GRIN2B: variants seen among roughly 807,000 people sequenced by gnomAD.
GRIN2B encodes the protein glutamate receptor ionotropic, NMDA 2B.
In GRIN2B, 5 loss-of-function variants were observed where a neutral mutation model predicts 114.5. That is an observed-to-expected ratio of 0.04 (90% CI 0.02 to 0.09). The LOEUF (loss-of-function observed/expected upper bound fraction) is 0.09. Among genes scored for constraint, GRIN2B ranks in the 10% least tolerant of loss-of-function variants. GRIN2B has a pLI of 1.00. For missense variants in GRIN2B, 1,108 were observed against 1,943.5 expected, an observed-to-expected ratio of 0.57 and a Z score of 8.08; for synonymous variants, 787 against 745.1, an observed-to-expected ratio of 1.06 and a Z score of -0.92.
chr12:13,577,848 G>A (rs1188879424), intron 10 of GRIN2B, among the ~76,000 whole-genome samples: 1 of 152,188 alleles, frequency 6.6e-6, no homozygotes, highest in African/African-American at 2.4e-5. Flanking sequence ...GCATTACAGA[G>A]AGTCAGAAAC....
chr12:13,786,514 G>A (rs1864223875), intron 3 of GRIN2B, among the ~76,000 whole-genome samples: 1 of 152,072 alleles, frequency 6.6e-6, no homozygotes, highest in Admixed American at 6.5e-5. Context: ...TACATAAAAT[G>A]TCAACCAAGG....
intron 2 of GRIN2B, among the ~76,000 whole-genome samples, chr12:13,959,331 C>A (rs564726951): frequency 6.6e-6 from 1 of 152,142 alleles, no homozygotes; most frequent in Non-Finnish European, 1.5e-5. Flanking sequence ...GGCAGGCAGC[C>A]GCCAGGGTGG....
chr12:13,613,264 G>A (rs4764018), intron 8 of GRIN2B, among the ~76,000 whole-genome samples: 151,338 of 152,350 alleles, frequency 0.99, 75,171 homozygotes, highest in Middle Eastern at 1. Context: ...CACCACCTCT[G>A]TGGTCTTTTC....
At position 13,866,223 on chromosome 12, in the gene GRIN2B, C is replaced by T. The variant is rs12818068; in HGVS notation, c.-15G>A. The T allele has an allele frequency of 0.099, 158,581 of 1,602,260 alleles. 9,212 individuals are homozygous for T. The highest frequency in any genetic ancestry group is 0.12 in the Non-Finnish European group (137,849 of 1,178,494). On this transcript the variant is annotated 5_prime_UTR_variant, in exon 3 of 14. Transcript: ENST00000609686. ...CTGGGCTTCATCTTCAACTCGTCGA[C>T]TCCCTGCAAACACAAAGAAAGAGCA...
intron 3 of GRIN2B, among the ~76,000 whole-genome samples, chr12:13,793,335 C>T (rs776373573): frequency 9.9e-5 from 15 of 151,996 alleles, no homozygotes; most frequent in Non-Finnish European, 2.1e-4. Flanking sequence ...GCTTGAGAAT[C>T]TCTTGAACCT....
At position 13,722,481 on chromosome 12, in the gene GRIN2B, C is replaced by A. The variant is rs116050530; in HGVS notation, c.1010+30836G>T. Reference sequence around the variant, plus strand: ...AGCAGGGATTCTTCATCCACAGTAGCCAGAGTGTAGACAGAGGGCATGGGT... The same window carrying A: ...AGCAGGGATTCTTCATCCACAGTAGACAGAGTGTAGACAGAGGGCATGGGT... On this transcript the variant is annotated intron_variant, in intron 4 of 13. Transcript: ENST00000609686. Among the ~76,000 whole-genome samples the A allele has an allele frequency of 3.4e-3, 510 of 152,102 alleles. 1 individual carries two copies. Among genetic ancestry groups the A allele is most frequent in the African/African-American group, 0.011 (472 of 41,506 alleles).
intron 2 of GRIN2B, among the ~76,000 whole-genome samples, chr12:13,908,890 C>T (rs1052747809): frequency 1.3e-5 from 2 of 152,190 alleles, no homozygotes; most frequent in East Asian, 1.9e-4. Context: ...AAGTGCATAA[C>T]ACGAAGCACA....
At position 13,548,917 on chromosome 12, in the gene GRIN2B, A is replaced by G. The variant is rs868728438; in HGVS notation, c.*13866T>C. 5.9e-4 allele frequency: 89 copies of G among 152,004 alleles called. No individual in the cohort carries two copies. Among genetic ancestry groups the G allele is most frequent in the African/African-American group, 1.9e-3 (78 of 41,358 alleles). The allele number at this position is 152,004 out of a possible 1,614,324, so 9.4% of individuals were successfully genotyped here. A position where few individuals can be genotyped will look rare whatever the true frequency, so the allele number is the denominator to read the frequency against. On this transcript the variant is annotated 3_prime_UTR_variant, in exon 14 of 14. Transcript: ENST00000609686. ...ATCAGTACACTCTGAAGTTGATGGT[A>G]TAGAAGTCTCCTCACTCATTCATCT...
chr12:13,852,993 A>T (rs913283681), intron 3 of GRIN2B, among the ~76,000 whole-genome samples: 1 of 151,988 alleles, frequency 6.6e-6, no homozygotes, highest in Non-Finnish European at 1.5e-5. Flanking sequence ...AGCAACCAAA[A>T]CACTTTCCCA....
intron 3 of GRIN2B, among the ~76,000 whole-genome samples, chr12:13,778,834 T>C (rs1158710542): frequency 6.6e-6 from 1 of 152,240 alleles, no homozygotes; most frequent in African/African-American, 2.4e-5. Context: ...AGACCAGTGC[T>C]CTGAGATTTT....
At chr12:13,711,744 G>A (rs1346195065) in intron 4 of GRIN2B, among the ~76,000 whole-genome samples, 1 of 152,178 alleles carries the variant, frequency 6.6e-6, no homozygotes, top group Non-Finnish European at 1.5e-5. Context: ...TGCTGGAGAG[G>A]ATGTGGAAAA....
intron 5 of GRIN2B, among the ~76,000 whole-genome samples, chr12:13,652,122 G>T (rs891953102): frequency 1.3e-5 from 2 of 151,704 alleles, no homozygotes; most frequent in Non-Finnish European, 2.9e-5. Context: ...ACTACACATG[G>T]TTTCTGCTTT....
intron 4 of GRIN2B, among the ~76,000 whole-genome samples, chr12:13,681,482 A>G (rs1466647520): frequency 2.0e-5 from 3 of 152,144 alleles, no homozygotes; most frequent in Non-Finnish European, 2.9e-5. Flanking sequence ...GCAAGGGACA[A>G]ATTCTTGACC....
chr12:13,937,716 C>A (rs1338033220), intron 2 of GRIN2B, among the ~76,000 whole-genome samples: 1 of 152,040 alleles, frequency 6.6e-6, no homozygotes, highest in Non-Finnish European at 1.5e-5. Flanking sequence ...TGTTATCATT[C>A]TTTCTATAAT....
At chr12:13,620,241 AT>A (rs1431232619) in intron 5 of GRIN2B, among the ~76,000 whole-genome samples, 1 of 152,074 alleles carries the variant, frequency 6.6e-6, no homozygotes, top group African/African-American at 2.4e-5. Flanking sequence ...AAAATGGCTT[AT>A]TTTTCACACC....
At chr12:13,684,036 G>A (rs1481070283) in intron 4 of GRIN2B, 1 of 152,028 alleles carries the variant, frequency 6.6e-6, no homozygotes, top group East Asian at 1.9e-4. Context: ...AATACTACCA[G>A]TTCAGTATAT....
intron 3 of GRIN2B, among the ~76,000 whole-genome samples, chr12:13,792,533 T>C (rs1436819444): frequency 6.6e-6 from 1 of 152,236 alleles, no homozygotes; most frequent in African/African-American, 2.4e-5. Context: ...CCTAACATAA[T>C]TGGGGATAAG....
chr12:13,859,524 G>A (rs1487457654), intron 3 of GRIN2B, among the ~76,000 whole-genome samples: 1 of 152,174 alleles, frequency 6.6e-6, no homozygotes, highest in South Asian at 2.1e-4. Context: ...AGAGAGCACT[G>A]CCTACCCATC....
intron 3 of GRIN2B, among the ~76,000 whole-genome samples, chr12:13,768,910 G>A (rs765644785): frequency 3.9e-5 from 6 of 152,116 alleles, no homozygotes; most frequent in Admixed American, 2.0e-4. Context: ...GGCAGGCGCC[G>A]GTAGCCCCAG....
Sources: gnomAD v4.1 joint callset for allele counts (sites outside exome capture counted in the v4.1 genomes callset) on GRCh38, gnomAD v4.1.1 for gene constraint, MANE v1.5 for transcripts, NCBI Gene and HGNC (gene_info 2026-07-23, HGNC 2026-07-21) for gene names.